SMCO2: variants seen among roughly 807,000 people sequenced by gnomAD.
SMCO2 encodes single-pass membrane and coiled-coil domain-containing protein 2.
A neutral mutation model predicts 29.5 loss-of-function variants in SMCO2; 25 were observed. The ratio of observed to expected loss-of-function variants is 0.85; its 90% CI spans 0.62 to 1.18. The LOEUF (loss-of-function observed/expected upper bound fraction) is 1.18. SMCO2 is among the 50% of genes most tolerant of loss of function. The pLI, the probability that SMCO2 is intolerant of heterozygous loss-of-function variation, is 0.00. For missense variants in SMCO2, 348 were observed against 344.5 expected, an observed-to-expected ratio of 1.01 and a Z score of -0.08; for synonymous variants, 117 against 123.3, an observed-to-expected ratio of 0.95 and a Z score of 0.34.
chr12:27,463,898 T>C (rs1274611931), upstream of SMCO2, among the ~76,000 whole-genome samples: 7 of 152,286 alleles, frequency 4.6e-5, no homozygotes, highest in East Asian at 9.6e-4. Context: ...AATCATTTTT[T>C]CCTAAAAGAG....
At chr12:27,464,716 CAA>C (rs767874837), upstream of SMCO2, among the ~76,000 whole-genome samples, 314 of 46,094 alleles carry the variant, frequency 6.8e-3, 1 homozygote, top group African/African-American at 0.026. Context: ...GACCCTGTCT[CAA>C]AAAAAAAAAA....
the SMCO2 span, among the ~76,000 whole-genome samples, chr12:27,455,442 G>A: frequency 1.3e-5 from 2 of 152,134 alleles, no homozygotes; most frequent in African/African-American, 2.4e-5. Context: ...AGATACATTT[G>A]TAGGGCTTTT....
At chr12:27,486,598 T>C (rs945663392) in intron 4 of SMCO2, among the ~76,000 whole-genome samples, 1 of 152,228 alleles carries the variant, frequency 6.6e-6, no homozygotes, top group Admixed American at 6.5e-5. Flanking sequence ...AAAAACATTC[T>C]AATTTTTAAT....
chr12:27,454,925 A>G, the SMCO2 span, among the ~76,000 whole-genome samples: 4 of 152,184 alleles, frequency 2.6e-5, no homozygotes, highest in South Asian at 2.1e-4. Context: ...TTATGGCTGC[A>G]TAGTATTCCA....
At chr12:27,486,043 G>A (rs1320896814) in intron 4 of SMCO2, among the ~76,000 whole-genome samples, 1 of 152,164 alleles carries the variant, frequency 6.6e-6, no homozygotes, top group Non-Finnish European at 1.5e-5. Context: ...CTGATGACTT[G>A]AGTATTATAA....
exon 8 of SMCO2, chr12:27,502,106 C>G: frequency 6.5e-7 from 1 of 1,540,566 alleles, no homozygotes; most frequent in South Asian, 1.2e-5. Flanking sequence ...AAGTGGAAGC[C>G]TTGTTACCCT....
chr12:27,444,685 AAC>A, the SMCO2 span, among the ~76,000 whole-genome samples: 1 of 152,240 alleles, frequency 6.6e-6, no homozygotes, highest in Non-Finnish European at 1.5e-5. Flanking sequence ...GACAGGCAGT[AAC>A]AGAGGCCTAC....
chr12:27,431,562 G>A, the SMCO2 span, among the ~76,000 whole-genome samples: 1 of 152,050 alleles, frequency 6.6e-6, no homozygotes. Flanking sequence ...GTTCTTCCAT[G>A]TTGTACCATG....
chr12:27,479,472 T>C (rs1949621507), intron 4 of SMCO2, among the ~76,000 whole-genome samples: 1 of 152,214 alleles, frequency 6.6e-6, no homozygotes, highest in Non-Finnish European at 1.5e-5. Flanking sequence ...GTCAGGGTTC[T>C]CTAAAGAGAT....
intron 6 of SMCO2, among the ~76,000 whole-genome samples, chr12:27,495,099 G>A (rs184136577): frequency 2.0e-5 from 3 of 152,266 alleles, no homozygotes; most frequent in Non-Finnish European, 2.9e-5. Flanking sequence ...GACAATGAAA[G>A]AATGAATGTA....
the SMCO2 span, among the ~76,000 whole-genome samples, chr12:27,443,710 T>C: frequency 2.6e-5 from 4 of 152,100 alleles, no homozygotes; most frequent in African/African-American, 9.7e-5. Context: ...TATTTATATA[T>C]GCCACCAGTG....
upstream of SMCO2, among the ~76,000 whole-genome samples, chr12:27,463,530 G>A (rs1355075872): frequency 6.6e-6 from 1 of 152,150 alleles, no homozygotes; most frequent in African/African-American, 2.4e-5. Context: ...GCCTCCCGAA[G>A]TGCTGGGATT....
At chr12:27,446,840 G>C in the SMCO2 span, among the ~76,000 whole-genome samples, 1 of 152,146 alleles carries the variant, frequency 6.6e-6, no homozygotes, top group African/African-American at 2.4e-5. Context: ...GTCTGGGAGG[G>C]GGCCTGGGAA....
chr12:27,462,432 C>G (rs1005440367), upstream of SMCO2, among the ~76,000 whole-genome samples: 1 of 152,176 alleles, frequency 6.6e-6, no homozygotes, highest in Non-Finnish European at 1.5e-5. Context: ...CCCAGATGTA[C>G]AATGAATAAT....
intron 4 of SMCO2, among the ~76,000 whole-genome samples, chr12:27,482,450 G>A (rs1161272680): frequency 2.6e-5 from 4 of 152,034 alleles, no homozygotes; most frequent in Non-Finnish European, 5.9e-5. Context: ...ACAGGCATTC[G>A]CCACCATGCC....
At chr12:27,430,165 A>T in the SMCO2 span, among the ~76,000 whole-genome samples, 1 of 152,084 alleles carries the variant, frequency 6.6e-6, no homozygotes, top group South Asian at 2.1e-4. Flanking sequence ...GTTCTTGTAT[A>T]TTCTGGTACT....
the SMCO2 span, among the ~76,000 whole-genome samples, chr12:27,437,203 C>T: frequency 2.6e-5 from 4 of 152,052 alleles, no homozygotes; most frequent in African/African-American, 9.7e-5. Context: ...CCCAGGAGTT[C>T]GAGGCTACAG....
chr12:27,478,903 T>C (rs1472334255), intron 4 of SMCO2, among the ~76,000 whole-genome samples: 1 of 152,088 alleles, frequency 6.6e-6, no homozygotes, highest in African/African-American at 2.4e-5. Flanking sequence ...CCCAGTGCTA[T>C]TGATGGTGGC....
At chr12:27,449,533 C>T in the SMCO2 span, among the ~76,000 whole-genome samples, 2 of 152,210 alleles carry the variant, frequency 1.3e-5, no homozygotes, top group South Asian at 4.1e-4. Flanking sequence ...GCTTCTCCTC[C>T]ATTTCCTTCT....
Sources: gnomAD v4.1 joint callset for allele counts (sites outside exome capture counted in the v4.1 genomes callset) on GRCh38, gnomAD v4.1.1 for gene constraint, MANE v1.5 for transcripts, NCBI Gene and HGNC (gene_info 2026-07-23, HGNC 2026-07-21) for gene names.